RGS7: variants seen among roughly 807,000 people sequenced by gnomAD.
RGS7 encodes regulator of G-protein signaling 7.
Under a neutral mutation model 81.1 loss-of-function variants are expected in RGS7, and 27 were observed. The ratio of observed to expected loss-of-function variants is 0.33; its 90% CI spans 0.25 to 0.46. The LOEUF (loss-of-function observed/expected upper bound fraction) is 0.46, where lower values mean the gene tolerates loss of function less well. Ranked by LOEUF, RGS7 falls within the 20% of genes least tolerant of loss-of-function variation. RGS7 has a pLI of 1.00. For synonymous variants in RGS7, 208 were observed against 207.7 expected (o/e 1.00, Z -0.01); for missense variants, 396 against 607.4 (o/e 0.65, Z 3.66).
chr1:241,291,618 G>A (rs2079096647), intron 2 of RGS7, among the ~76,000 whole-genome samples: 1 of 98,006 alleles, frequency 1.0e-5, no homozygotes. Flanking sequence ...TGCTCTTGTT[G>A]CCCAGGCTGG....
At chr1:241,115,337 C>T (rs2065814762) in intron 2 of RGS7, among the ~76,000 whole-genome samples, 1 of 152,138 alleles carries the variant, frequency 6.6e-6, no homozygotes, top group Non-Finnish European at 1.5e-5. Flanking sequence ...AATTTTTATG[C>T]AAGTTCTAAA....
intron 6 of RGS7, among the ~76,000 whole-genome samples, chr1:240,881,586 T>A (rs1666403173): frequency 6.6e-6 from 1 of 152,202 alleles, no homozygotes; most frequent in Non-Finnish European, 1.5e-5. Flanking sequence ...AAATCTAGCA[T>A]TAATTTAAAG....
intron 18 of RGS7, among the ~76,000 whole-genome samples, chr1:240,779,284 G>A (rs907560687): frequency 4.8e-4 from 73 of 151,884 alleles, no homozygotes; most frequent in African/African-American, 1.6e-3. Context: ...AGCCTCCTGA[G>A]TAGCTGGGAT....
At chr1:240,949,847 C>CA (rs57421740) in intron 4 of RGS7, among the ~76,000 whole-genome samples, 80,854 of 91,912 alleles carry the variant, frequency 0.88, 35,806 homozygotes, top group Middle Eastern at 0.93. Flanking sequence ...GACTCTGACT[C>CA]AAAAAAAAAA....
At chr1:240,887,179 T>A (rs1053777308) in intron 6 of RGS7, among the ~76,000 whole-genome samples, 18 of 152,162 alleles carry the variant, frequency 1.2e-4, no homozygotes, top group African/African-American at 4.3e-4. Flanking sequence ...TATAGCAAGT[T>A]CTTTTATAAA....
chr1:240,864,783 T>A (rs1307556178), intron 9 of RGS7, among the ~76,000 whole-genome samples: 1 of 152,130 alleles, frequency 6.6e-6, no homozygotes, highest in Non-Finnish European at 1.5e-5. Context: ...ATGATAAGGC[T>A]GGAGGAAAAA....
intron 18 of RGS7, among the ~76,000 whole-genome samples, chr1:240,780,985 A>AT (rs976266968): frequency 2.0e-5 from 3 of 150,978 alleles, no homozygotes; most frequent in Admixed American, 1.3e-4. Context: ...AGATACAGTC[A>AT]TTTTTTTATT....
rs930096991 is a variant in RGS7 at position 241,164,101 on chromosome 1, C to A, written c.79-65339G>T. On this transcript the variant is annotated intron_variant, in intron 2 of 18. Transcript: ENST00000440928. The surrounding 1 kb of genome is among the most constrained non-coding windows in gnomAD (Gnocchi z 4.1). Reference sequence around the variant, plus strand: ...AGTGGCTTTCTGAACCTAGGGAACACTTATGCTTACTGGTTTATTATAAAG... The same window carrying A: ...AGTGGCTTTCTGAACCTAGGGAACAATTATGCTTACTGGTTTATTATAAAG... 4.6e-5 allele frequency among the ~76,000 whole-genome samples: 7 copies of A among 152,038 alleles called. No homozygotes were observed. Among genetic ancestry groups the A allele is most frequent in the African/African-American group, 1.7e-4 (7 of 41,408 alleles).
At chr1:240,986,093 T>G (rs1439121229) in intron 3 of RGS7, among the ~76,000 whole-genome samples, 1 of 152,166 alleles carries the variant, frequency 6.6e-6, no homozygotes, top group Non-Finnish European at 1.5e-5. Context: ...ACCTGTGGAA[T>G]TTTTTGAAAT....
intron 2 of RGS7, among the ~76,000 whole-genome samples, chr1:241,342,732 C>T (rs545760988): frequency 6.6e-6 from 1 of 152,206 alleles, no homozygotes; most frequent in Non-Finnish European, 1.5e-5. Flanking sequence ...GATAGATTGT[C>T]CGAAGAATAT....
chr1:240,900,371 T>G (rs1669786920), intron 6 of RGS7, among the ~76,000 whole-genome samples: 1 of 152,228 alleles, frequency 6.6e-6, no homozygotes, highest in African/African-American at 2.4e-5. Context: ...AGAGGCACTC[T>G]GATTTTTAGA....
intron 2 of RGS7, among the ~76,000 whole-genome samples, chr1:241,307,093 G>A (rs915154972): frequency 3.3e-5 from 5 of 152,182 alleles, no homozygotes; most frequent in African/African-American, 7.2e-5. Context: ...CCATGGTTTA[G>A]ATATTTTTCC....
At chr1:240,780,245 A>G (rs969563501) in intron 18 of RGS7, among the ~76,000 whole-genome samples, 1 of 151,812 alleles carries the variant, frequency 6.6e-6, no homozygotes, top group Non-Finnish European at 1.5e-5. Context: ...CCAGGAGTTC[A>G]AGACCAGCCT....
intron 3 of RGS7, among the ~76,000 whole-genome samples, chr1:241,036,806 C>T (rs1014498928): frequency 2.0e-5 from 3 of 152,104 alleles, no homozygotes; most frequent in African/African-American, 7.2e-5. Context: ...TGACTGAGTA[C>T]CAGCCAATGT....
chr1:240,974,401 G>C (rs1683751617), intron 4 of RGS7, among the ~76,000 whole-genome samples: 1 of 152,048 alleles, frequency 6.6e-6, no homozygotes, highest in African/African-American at 2.4e-5. Context: ...CCATTTAAGA[G>C]AGCACAAACT....
intron 6 of RGS7, among the ~76,000 whole-genome samples, chr1:240,923,725 A>C (rs1391838471): frequency 6.7e-6 from 1 of 148,420 alleles, no homozygotes; most frequent in Non-Finnish European, 1.5e-5. Flanking sequence ...AAAAAAAAAA[A>C]CACACACAAT....
At chr1:241,022,164 C>T (rs1423700138) in intron 3 of RGS7, among the ~76,000 whole-genome samples, 1 of 152,168 alleles carries the variant, frequency 6.6e-6, no homozygotes, top group Admixed American at 6.5e-5. Flanking sequence ...CCTTTTCAAT[C>T]TCACATCATG....
chr1:241,006,433 T>A (rs993695886), intron 3 of RGS7, among the ~76,000 whole-genome samples: 3 of 152,186 alleles, frequency 2.0e-5, no homozygotes, highest in African/African-American at 7.2e-5. Flanking sequence ...ATTAAAAAAA[T>A]GTCTATATCA....
At chr1:241,242,255 C>A (rs1168234218) in intron 2 of RGS7, among the ~76,000 whole-genome samples, 1 of 152,054 alleles carries the variant, frequency 6.6e-6, no homozygotes, top group Non-Finnish European at 1.5e-5. Context: ...CCAATACCAT[C>A]CAGGTTGCTG....
Sources: allele counts gnomAD v4.1 joint callset (sites outside exome capture counted in the v4.1 genomes callset), GRCh38; gene constraint gnomAD v4.1.1; non-coding constraint Gnocchi (gnomAD v3.1); transcripts MANE v1.5; gene names NCBI Gene and HGNC (gene_info 2026-07-23, HGNC 2026-07-21).